The following RIMBP2 variants were observed in gnomAD, a reference collection of about 807,000 sequenced individuals.
RIMBP2 encodes the protein RIMS-binding protein 2.
Under a neutral mutation model 118.6 loss-of-function variants are expected in RIMBP2, and 48 were observed. The ratio of observed to expected loss-of-function variants is 0.40; its 90% confidence interval spans 0.32 to 0.51. The LOEUF is 0.51. Ranked by LOEUF, RIMBP2 falls within the 20% of genes least tolerant of loss-of-function variation. RIMBP2 has a pLI of 0.41. For synonymous variants in RIMBP2, 762 were observed against 742.9 expected, an observed-to-expected ratio of 1.03 and a Z score of -0.42; for missense variants, 1,551 against 1,768.3, an observed-to-expected ratio of 0.88 and a Z score of 2.20.
At chr12:130,567,705 C>T (rs963540771) in intron 2 of RIMBP2, among the ~76,000 whole-genome samples, 1 of 152,236 alleles carries the variant, frequency 6.6e-6, no homozygotes, top group Non-Finnish European at 1.5e-5. Flanking sequence ...GCGGCCAACA[C>T]CCCTTTCAGG....
chr12:130,663,030 C>T (rs1332372178), intron 1 of RIMBP2, among the ~76,000 whole-genome samples: 5 of 152,280 alleles, frequency 3.3e-5, no homozygotes, highest in African/African-American at 1.2e-4. Context: ...AAAGAAGGCA[C>T]CTGGATATTT....
intron 4 of RIMBP2, among the ~76,000 whole-genome samples, chr12:130,502,937 G>A (rs549530404): frequency 5.9e-5 from 9 of 152,258 alleles, no homozygotes; most frequent in African/African-American, 2.2e-4. Flanking sequence ...GAGGGGACAG[G>A]GAAATTCCCC....
chr12:130,580,997 C>A (rs888155203), intron 2 of RIMBP2, among the ~76,000 whole-genome samples: 1 of 151,944 alleles, frequency 6.6e-6, no homozygotes, highest in African/African-American at 2.4e-5. Flanking sequence ...ATTAAAATAT[C>A]TCCTATCTTG....
intron 1 of RIMBP2, among the ~76,000 whole-genome samples, chr12:130,640,179 C>A (rs2062554722): frequency 6.6e-6 from 1 of 152,204 alleles, no homozygotes; most frequent in African/African-American, 2.4e-5. Flanking sequence ...TAGAACCAAC[C>A]TTGCTGCTCA....
At chr12:130,468,052 T>C (rs987299927) in intron 6 of RIMBP2, among the ~76,000 whole-genome samples, 1 of 152,162 alleles carries the variant, frequency 6.6e-6, no homozygotes, top group Admixed American at 6.5e-5. Context: ...AAGTCACGAA[T>C]ATGCCCCATT....
In RIMBP2 at chr12:130,424,445, G is replaced by A. The variant is rs1044955190; in HGVS notation, c.2826C>T (p.Ser942=). Residue 942 remains serine, a synonymous_variant, in exon 16 of 23, where the codon AGC becomes AGT. Transcript: ENST00000690449. The surrounding 1 kb of genome is among the most constrained non-coding windows in gnomAD (Gnocchi z 9.8). The stretch of plus-strand genomic sequence containing the variant: ...TGCAGGGACAGTGACCAGGGCCTGG[G>A]CTGCACGCGGCCACGGTGTTTCCGA... ...FGFGNTVAAC[S]PGPGHCPCRR... 3.2e-6 allele frequency: 4 copies of A among 1,232,282 alleles called. No individual in the cohort carries two copies. Among genetic ancestry groups the A allele is most frequent in the Non-Finnish European group, 4.0e-6 (4 of 987,970 alleles). 76.3% of individuals were successfully genotyped at this position (1,232,282 alleles called of 1,614,324 possible). A position where few individuals can be genotyped will look rare whatever the true frequency, so the allele number is the denominator to read the frequency against.
chr12:130,440,705 G>A lies in RIMBP2; in HGVS notation c.1504+1143C>T, dbSNP rs188486076. Among the ~76,000 whole-genome samples the A allele has an allele frequency of 5.3e-4, 80 of 152,344 alleles. 1 individual carries two copies. Among genetic ancestry groups the A allele is most frequent in the Admixed American group, 3.5e-3 (53 of 15,308 alleles). On this transcript the variant is annotated intron_variant, in intron 11 of 22. Transcript: ENST00000690449. Reference sequence around the variant, plus strand: ...TCTTGATCAACTCCGGGCAGTTGGGGAGGAAATAAAATGTCGTCGTGTAAC... The same window carrying A: ...TCTTGATCAACTCCGGGCAGTTGGGAAGGAAATAAAATGTCGTCGTGTAAC...
chr12:130,630,765 C>T (rs1250821485), intron 1 of RIMBP2, among the ~76,000 whole-genome samples: 2 of 152,168 alleles, frequency 1.3e-5, no homozygotes, highest in Non-Finnish European at 2.9e-5. Context: ...TAGAAGCCAA[C>T]AGAATGTCTT....
At chr12:130,657,577 G>C (rs574399427) in intron 1 of RIMBP2, among the ~76,000 whole-genome samples, 1 of 152,208 alleles carries the variant, frequency 6.6e-6, no homozygotes, top group Non-Finnish European at 1.5e-5. Context: ...GGCATCCACC[G>C]GCACCTCCGT....
chr12:130,551,476 T>A (rs957733910), intron 2 of RIMBP2, among the ~76,000 whole-genome samples: 2 of 152,158 alleles, frequency 1.3e-5, no homozygotes, highest in African/African-American at 2.4e-5. Flanking sequence ...CTAAAAAAAA[T>A]GTCCCATAGT....
chr12:130,638,578 T>C (rs907704540), intron 1 of RIMBP2, among the ~76,000 whole-genome samples: 1 of 152,164 alleles, frequency 6.6e-6, no homozygotes, highest in East Asian at 1.9e-4. Flanking sequence ...CTGTGAACTA[T>C]GCATGCGAGG....
chr12:130,422,299 T>A lies in RIMBP2; in HGVS notation c.3238+154A>T, dbSNP rs555128875. Among the ~76,000 whole-genome samples the A allele has an allele frequency of 6.6e-6, 1 of 152,356 alleles. No homozygotes were observed. The highest frequency in any genetic ancestry group is 2.4e-5 in the African/African-American group (1 of 41,582). ...AATACTTACAAATAGCTTTCATTTATCTTGTGCTGTTCCTGCCTTCTTTTT... is the reference window on the plus strand; with the variant it reads ...AATACTTACAAATAGCTTTCATTTAACTTGTGCTGTTCCTGCCTTCTTTTT... On this transcript the variant is annotated intron_variant, in intron 17 of 22. Coordinates refer to ENST00000690449, the MANE Select transcript of RIMBP2 (RefSeq NM_001393629.1). This position sits in a 1 kb window ranked among gnomAD's most constrained non-coding sequence, Gnocchi z 5.2.
intron 2 of RIMBP2, among the ~76,000 whole-genome samples, chr12:130,540,645 G>C (rs10848143): frequency 0.95 from 145,005 of 152,140 alleles, 69,503 homozygotes; most frequent in East Asian, 1. Context: ...CCAACTCCCT[G>C]CCTAATTCCT....
At chr12:130,601,293 G>A (rs532346238) in intron 2 of RIMBP2, among the ~76,000 whole-genome samples, 5 of 145,466 alleles carry the variant, frequency 3.4e-5, no homozygotes, top group Admixed American at 6.9e-5. Context: ...TAAAAGCCAC[G>A]GGCTGCTCAC....
chr12:130,473,375 C>T (rs1369417637), intron 5 of RIMBP2, among the ~76,000 whole-genome samples: 3 of 152,242 alleles, frequency 2.0e-5, no homozygotes, highest in African/African-American at 7.2e-5. Context: ...AGGCCTGTTA[C>T]CCAGAGGATC....
chr12:130,602,781 A>G (rs1173359663), intron 2 of RIMBP2, among the ~76,000 whole-genome samples: 1 of 152,242 alleles, frequency 6.6e-6, no homozygotes, highest in Non-Finnish European at 1.5e-5. Context: ...ACGTGTTTCC[A>G]TTTTTAATAG....
chr12:130,712,845 C>G (rs1410691300), intron 1 of RIMBP2, among the ~76,000 whole-genome samples: 1 of 152,114 alleles, frequency 6.6e-6, no homozygotes, highest in Non-Finnish European at 1.5e-5. Flanking sequence ...CTACGACAGC[C>G]ACACTGGGAT....
intron 2 of RIMBP2, among the ~76,000 whole-genome samples, chr12:130,596,722 CAGCCCCACTGAT>C (rs2059583958): frequency 6.6e-6 from 1 of 152,224 alleles, no homozygotes; most frequent in African/African-American, 2.4e-5. Flanking sequence ...GAGCCCCTAA[CAGCCCCACTGAT>C]ATTCCTGTGC....
chr12:130,646,556 A>G (rs1357642581), intron 1 of RIMBP2, among the ~76,000 whole-genome samples: 1 of 152,154 alleles, frequency 6.6e-6, no homozygotes, highest in Non-Finnish European at 1.5e-5. Flanking sequence ...CTGTTTTCAG[A>G]TGCTTTCTTG....
Sources: gnomAD v4.1 joint callset for allele counts (sites outside exome capture counted in the v4.1 genomes callset) on GRCh38, gnomAD v4.1.1 for gene constraint, Gnocchi (gnomAD v3.1) non-coding constraint, MANE v1.5 for transcripts, NCBI Gene and HGNC (gene_info 2026-07-23, HGNC 2026-07-21) for gene names.